FIG4: variants seen among roughly 807,000 people sequenced by gnomAD.
The protein encoded by FIG4 is polyphosphoinositide phosphatase.
A neutral mutation model predicts 118.6 loss-of-function variants in FIG4; 112 were observed. The ratio of observed to expected loss-of-function variants is 0.94; its 90% confidence interval spans 0.81 to 1.11. The LOEUF (loss-of-function observed/expected upper bound fraction) is 1.11, where lower values mean the gene tolerates loss of function less well. Among genes scored for constraint, FIG4 ranks in the 50% least tolerant of loss-of-function variants. The pLI, the probability that FIG4 is intolerant of heterozygous loss-of-function variation, is 0.00. For missense variants in FIG4, 969 were observed against 1,111.7 expected (o/e 0.87, Z 1.83); for synonymous variants, 369 against 381.2 (o/e 0.97, Z 0.37).
intron 16 of FIG4, among the ~76,000 whole-genome samples, chr6:109,782,136 G>A (rs1330651878): frequency 6.6e-6 from 1 of 152,120 alleles, no homozygotes; most frequent in African/African-American, 2.4e-5. Flanking sequence ...AAGAGAATCT[G>A]ACTTACTAGC....
chr6:109,766,397 C>T (rs1777279654), intron 14 of FIG4, among the ~76,000 whole-genome samples: 1 of 152,158 alleles, frequency 6.6e-6, no homozygotes, highest in South Asian at 2.1e-4. Flanking sequence ...TCAGAGAGCA[C>T]AGTACATTCC....
chr6:109,813,646 C>T (rs1333378383), intron 22 of FIG4, among the ~76,000 whole-genome samples: 1 of 152,168 alleles, frequency 6.6e-6, no homozygotes, highest in East Asian at 1.9e-4. Context: ...AAGTTGGCCC[C>T]ACCTCCTGTT....
intron 15 of FIG4, among the ~76,000 whole-genome samples, chr6:109,773,880 C>A (rs1777539331): frequency 6.6e-6 from 1 of 152,126 alleles, no homozygotes; most frequent in East Asian, 1.9e-4. Flanking sequence ...CTATGTTGCC[C>A]AGGCTGGTTC....
chr6:109,786,232 G>C (rs1777951444), intron 17 of FIG4, 70 bp from the exon 18 acceptor site: 5 of 1,393,274 alleles, frequency 3.6e-6, no homozygotes, highest in Non-Finnish European at 5.1e-6. Flanking sequence ...TGTGAACACA[G>C]TTAATATTAT....
In FIG4 at chr6:109,794,953, C is replaced by T. The variant is rs973603239; in HGVS notation, c.2460-1812C>T. 3.3e-5 allele frequency among the ~76,000 whole-genome samples: 5 copies of T among 152,240 alleles called. No individual in the cohort carries two copies. The East Asian group carries it at 5.8e-4, about 18-fold the overall frequency. ...CACCTTTGGACGCCTAAGGATTTCT[C>T]GGTTTTGTAGTTTTTTTCTAATTGC... On this transcript the variant is annotated intron_variant, in intron 21 of 22. Transcript: ENST00000230124.
At chr6:109,824,628 T>C (rs1779105224) in intron 22 of FIG4, among the ~76,000 whole-genome samples, 2 of 152,242 alleles carry the variant, frequency 1.3e-5, no homozygotes, top group South Asian at 4.1e-4. Flanking sequence ...GCATATAAGC[T>C]CATTTATTCC....
chr6:109,698,999 A>G (rs571634266), intron 1 of FIG4, among the ~76,000 whole-genome samples: 33 of 152,304 alleles, frequency 2.2e-4, no homozygotes, highest in Non-Finnish European at 3.4e-4. Flanking sequence ...TCATAAAATG[A>G]GTTAAAAAGT....
Position 109,765,154 on chromosome 6 carries a change from G to A in FIG4, c.1576G>A (p.Ala526Thr). ...ACCTAATCTACAGTTTGATACAGAT[G>A]CAGTTAGGTAAGTCTTATTTTTTGC... Reference protein sequence around the residue: ...DKPNLQFDTDAVRLFEELYED... With the variant: ...DKPNLQFDTDTVRLFEELYED... The change falls in exon 14 of 23, where the codon GCA becomes ACA. Residue 526 changes from alanine (A) to threonine (T), a missense_variant. By Grantham distance (58) the Ala-to-Thr change is moderately conservative. Transcript: ENST00000230124. 1 of 1,614,024 alleles carries A rather than the reference G, an allele frequency of 6.2e-7. No individual in the cohort carries two copies. The highest frequency in any genetic ancestry group is 8.5e-7 in the Non-Finnish European group (1 of 1,179,898).
intron 10 of FIG4, among the ~76,000 whole-genome samples, chr6:109,759,562 C>T (rs879707201): frequency 6.6e-6 from 1 of 152,120 alleles, no homozygotes; most frequent in East Asian, 1.9e-4. Context: ...GGTCACATGG[C>T]TAGTGAGTGG....
chr6:109,781,779 T>TTTTTTTTTTTTTTTTTTTTTGAG (rs1554307140), intron 16 of FIG4, among the ~76,000 whole-genome samples: 5 of 145,992 alleles, frequency 3.4e-5, no homozygotes, highest in Non-Finnish European at 4.6e-5. Context: ...TCTTCAGATT[T>TTTTTTTTTTTTTTTTTTTTTGAG]AATCAGTTGA....
intron 15 of FIG4, among the ~76,000 whole-genome samples, chr6:109,767,867 A>G (rs1777330340): frequency 6.6e-6 from 1 of 151,954 alleles, no homozygotes; most frequent in Non-Finnish European, 1.5e-5. Context: ...GCAAGACTCC[A>G]TCTCGGAAAG....
chr6:109,789,515 G>A lies in FIG4; in HGVS notation c.2097-79G>A, dbSNP rs558186297. On this transcript the variant is annotated intron_variant, in intron 18 of 22. Coordinates refer to ENST00000230124, the MANE Select transcript of FIG4 (RefSeq NM_014845.6). ...CTAGAGTTAAGAAGGAATATTGTAA[G>A]AGTGTGAACTGAGATGGAAGCCAAT... 52 of 998,348 alleles carry A rather than the reference G, an allele frequency of 5.2e-5. 1 individual carries two copies. Among genetic ancestry groups the A allele is most frequent in the Admixed American group, 4.6e-4 (27 of 58,438 alleles). 61.8% of individuals were successfully genotyped at this position (998,348 alleles called of 1,614,324 possible). A position where few individuals can be genotyped will look rare whatever the true frequency, so the allele number is the denominator to read the frequency against.
chr6:109,769,149 C>T (rs915703087), intron 15 of FIG4, among the ~76,000 whole-genome samples: 8 of 149,702 alleles, frequency 5.3e-5, no homozygotes, highest in Non-Finnish European at 8.9e-5. Flanking sequence ...TGTCTACAGG[C>T]TGGAGTGCAG....
intron 1 of FIG4, among the ~76,000 whole-genome samples, chr6:109,714,572 C>A (rs950654094): frequency 2.0e-5 from 3 of 152,166 alleles, no homozygotes; most frequent in Non-Finnish European, 4.4e-5. Flanking sequence ...TTGGGAAGGA[C>A]AACCATTTTA....
chr6:109,781,708 C>A (rs1486654703), intron 16 of FIG4, among the ~76,000 whole-genome samples: 1 of 129,576 alleles, frequency 7.7e-6, no homozygotes, highest in Non-Finnish European at 1.8e-5. Context: ...ATATGCTTTG[C>A]CTACTTCCAA....
intron 8 of FIG4, 72 bp from the exon 9 acceptor site, chr6:109,743,038 A>G: frequency 7.8e-7 from 1 of 1,280,180 alleles, no homozygotes; most frequent in South Asian, 1.2e-5. Context: ...AGGAATTATA[A>G]CTTCATTGAA....
At chr6:109,756,809 G>T (rs1054319851) in intron 10 of FIG4, among the ~76,000 whole-genome samples, 1 of 152,096 alleles carries the variant, frequency 6.6e-6, no homozygotes, top group Non-Finnish European at 1.5e-5. Flanking sequence ...GCACTTCTCT[G>T]TATTGGTTAT....
chr6:109,695,723 G>C (rs751845379), intron 1 of FIG4, among the ~76,000 whole-genome samples: 1 of 151,986 alleles, frequency 6.6e-6, no homozygotes, highest in African/African-American at 2.4e-5. Flanking sequence ...TTGACTTTAG[G>C]ATCATACTGG....
intron 10 of FIG4, among the ~76,000 whole-genome samples, chr6:109,746,863 G>T (rs1245844440): frequency 6.6e-6 from 1 of 152,112 alleles, no homozygotes; most frequent in Non-Finnish European, 1.5e-5. Context: ...TTAAACCAGG[G>T]TGGTATGGTG....
Sources: gnomAD v4.1 joint callset for allele counts (sites outside exome capture counted in the v4.1 genomes callset) on GRCh38, gnomAD v4.1.1 for gene constraint, MANE v1.5 for transcripts, NCBI Gene and HGNC (gene_info 2026-07-23, HGNC 2026-07-21) for gene names.